The following ZNF827 variants were observed in gnomAD, a reference collection of about 807,000 sequenced individuals.
ZNF827 encodes the protein zinc finger protein 827.
In ZNF827, 13 loss-of-function variants were observed where a neutral mutation model predicts 102.4. The observed-to-expected ratio is 0.13, with a 90% CI of 0.08 to 0.20. The LOEUF is 0.20. ZNF827 is among the 10% of genes least tolerant of loss of function. The pLI, the probability that ZNF827 is intolerant of heterozygous loss-of-function variation, is 1.00. For synonymous variants in ZNF827, 523 were observed against 536.2 expected (o/e 0.98, Z 0.34); for missense variants, 1,103 against 1,344.4 (o/e 0.82, Z 2.81).
intron 3 of ZNF827, among the ~76,000 whole-genome samples, chr4:145,886,515 C>G (rs939514511): frequency 2.0e-5 from 3 of 152,174 alleles, no homozygotes; most frequent in African/African-American, 4.8e-5. Context: ...AGTTGGGGAT[C>G]AAAAGAGGTA....
chr4:145,869,787 T>C (rs934022611), intron 5 of ZNF827, among the ~76,000 whole-genome samples: 1 of 152,238 alleles, frequency 6.6e-6, no homozygotes, highest in African/African-American at 2.4e-5. Context: ...TGCCACTCTA[T>C]TGGTAATTAC....
intron 11 of ZNF827, among the ~76,000 whole-genome samples, chr4:145,773,110 G>GA (rs1274935736): frequency 6.6e-6 from 1 of 151,712 alleles, no homozygotes; most frequent in African/African-American, 2.4e-5. Flanking sequence ...ACAGAAAGGA[G>GA]AAAAAAAAGA....
At chr4:145,914,423 G>C (rs1752527417) in intron 1 of ZNF827, among the ~76,000 whole-genome samples, 1 of 152,162 alleles carries the variant, frequency 6.6e-6, no homozygotes, top group Non-Finnish European at 1.5e-5. Context: ...GAATCCATGA[G>C]AGCAAAGGAC....
chr4:145,920,041 T>C (rs1046539830), intron 1 of ZNF827, among the ~76,000 whole-genome samples: 3 of 152,244 alleles, frequency 2.0e-5, no homozygotes, highest in East Asian at 3.8e-4. Flanking sequence ...ATATCTGCAA[T>C]TGTACAGGGC....
intron 5 of ZNF827, among the ~76,000 whole-genome samples, chr4:145,866,089 A>G (rs35146602): frequency 0.16 from 24,525 of 152,180 alleles, 2,839 homozygotes; most frequent in East Asian, 0.43. Flanking sequence ...TGGGTTCCAT[A>G]TGGGCCTCCA....
At chr4:145,868,046 A>G in intron 5 of ZNF827, among the ~76,000 whole-genome samples, 1 of 152,252 alleles carries the variant, frequency 6.6e-6, no homozygotes, top group East Asian at 1.9e-4. Context: ...GCACTGTTCT[A>G]TCAGTGATTA....
At chr4:145,879,668 G>A (rs1213500611) in intron 4 of ZNF827, among the ~76,000 whole-genome samples, 1 of 152,150 alleles carries the variant, frequency 6.6e-6, no homozygotes, top group African/African-American at 2.4e-5. Flanking sequence ...TACACAGTAC[G>A]CTGTGAAGCT....
intron 1 of ZNF827, among the ~76,000 whole-genome samples, chr4:145,915,896 A>G (rs1752634183): frequency 6.6e-6 from 1 of 152,244 alleles, no homozygotes; most frequent in African/African-American, 2.4e-5. Context: ...TCTCATTCCA[A>G]AGGGAGACAT....
intron 8 of ZNF827, among the ~76,000 whole-genome samples, chr4:145,811,489 T>C (rs1742004728): frequency 6.6e-6 from 1 of 152,110 alleles, no homozygotes; most frequent in Non-Finnish European, 1.5e-5. Flanking sequence ...GTCTCTGTTG[T>C]TTCTCGTAGG....
intron 1 of ZNF827, among the ~76,000 whole-genome samples, chr4:145,917,487 C>T (rs991076452): frequency 6.6e-6 from 1 of 151,964 alleles, no homozygotes; most frequent in Non-Finnish European, 1.5e-5. Flanking sequence ...ATTAACCCAG[C>T]TATGAAGCCA....
At chr4:145,891,815 C>G (rs1208998777) in intron 3 of ZNF827, among the ~76,000 whole-genome samples, 1 of 152,150 alleles carries the variant, frequency 6.6e-6, no homozygotes, top group Non-Finnish European at 1.5e-5. Flanking sequence ...CAGTAACAGC[C>G]AAGGGCAGTC....
chr4:145,889,680 A>C (rs576408737), intron 3 of ZNF827, among the ~76,000 whole-genome samples: 1 of 152,114 alleles, frequency 6.6e-6, no homozygotes, highest in African/African-American at 2.4e-5. Flanking sequence ...GAATTCATTA[A>C]GAAAATCTGT....
rs1320332097 is a variant in ZNF827, at chr4:145,759,425, TATAAAGTTAGCCTCCTAGC to T, written c.*2172_*2190del. Reference sequence around the variant, plus strand: ...CACAAAATAAGAGCTTTTAAATAAGTATAAAGTTAGCCTCCTAGCAGGTTACATCTACCAGGCGTTAACA... The same window carrying T: ...CACAAAATAAGAGCTTTTAAATAAGTAGGTTACATCTACCAGGCGTTAACA... On this transcript the variant is annotated 3_prime_UTR_variant, in exon 15 of 15. Transcript: ENST00000508784. The T allele has an allele frequency of 2.6e-5, 4 of 152,196 alleles. No individual in the cohort carries two copies. Among genetic ancestry groups the T allele is most frequent in the African/African-American group, 4.8e-5 (2 of 41,454 alleles). The allele number at this position is 152,196 out of a possible 1,614,324, so 9.4% of individuals were successfully genotyped here.
intron 5 of ZNF827, among the ~76,000 whole-genome samples, chr4:145,868,862 AT>A (rs1748436645): frequency 6.6e-6 from 1 of 152,222 alleles, no homozygotes; most frequent in African/African-American, 2.4e-5. Context: ...GTGAAAGTGT[AT>A]GCTATGGGGG....
intron 11 of ZNF827, among the ~76,000 whole-genome samples, chr4:145,768,726 CATAT>C (rs1735704937): frequency 6.7e-6 from 1 of 148,954 alleles, no homozygotes; most frequent in Non-Finnish European, 1.5e-5. Flanking sequence ...GGTGTGGTGG[CATAT>C]GCCTGTAATC....
intron 2 of ZNF827, among the ~76,000 whole-genome samples, chr4:145,898,485 T>C (rs1033839706): frequency 3.3e-5 from 5 of 152,198 alleles, no homozygotes; most frequent in African/African-American, 1.2e-4. Context: ...ACAAGAAACT[T>C]TGTCTTTAAA....
intron 8 of ZNF827, among the ~76,000 whole-genome samples, chr4:145,806,071 T>C (rs1741404226): frequency 6.6e-6 from 1 of 152,152 alleles, no homozygotes; most frequent in African/African-American, 2.4e-5. Context: ...GGCTTTGTTT[T>C]ATTCACTGCT....
intron 3 of ZNF827, among the ~76,000 whole-genome samples, chr4:145,888,838 C>T (rs1750353153): frequency 6.6e-6 from 1 of 152,140 alleles, no homozygotes. Flanking sequence ...GAGATAACCC[C>T]AAGGAAATCT....
At chr4:145,807,780 A>AAC (rs1553988723) in intron 8 of ZNF827, among the ~76,000 whole-genome samples, 2 of 150,754 alleles carry the variant, frequency 1.3e-5, no homozygotes, top group African/African-American at 4.9e-5. Context: ...GCTTTAAAAA[A>AAC]AAAAAACAAA....
Sources: gnomAD v4.1 joint callset for allele counts (sites outside exome capture counted in the v4.1 genomes callset) on GRCh38, gnomAD v4.1.1 for gene constraint, MANE v1.5 for transcripts, NCBI Gene and HGNC (gene_info 2026-07-23, HGNC 2026-07-21) for gene names.